Variants in EXT1 observed in about 807,000 individuals in gnomAD.
The protein encoded by EXT1 is exostosin-1.
EXT1 carries 20 observed loss-of-function variants against 82.5 expected under a neutral mutation model. That is an observed-to-expected ratio of 0.24 (90% CI 0.17 to 0.35). The LOEUF (loss-of-function observed/expected upper bound fraction) is 0.35, where lower values mean the gene tolerates loss of function less well. Among genes scored for constraint, EXT1 ranks in the 10% least tolerant of loss-of-function variants. EXT1 has a pLI of 1.00. For missense variants in EXT1, 757 were observed against 936.5 expected (o/e 0.81, Z 2.50); for synonymous variants, 348 against 350.8 (o/e 0.99, Z 0.09).
intron 1 of EXT1, among the ~76,000 whole-genome samples, chr8:117,858,871 AAGAAAG>A (rs1812631858): frequency 3.7e-5 from 3 of 80,308 alleles, no homozygotes; most frequent in Non-Finnish European, 9.5e-5. Flanking sequence ...GAAAGAAAGA[AAGAAAG>A]AAAGAAAGAA....
At position 117,798,410 on chromosome 8, in the gene EXT1, T is replaced by G. The variant is rs1823115435; in HGVS notation, c.*1302A>C. On this transcript the variant is annotated 3_prime_UTR_variant, in exon 11 of 11. Transcript: ENST00000378204. ...CATAACAGAGTTAGGGATATGTTTT[T>G]TTTTTCAGTTTATACTTGGAGTTTA... 6.6e-6 allele frequency: 1 copy of G among 152,164 alleles called. No individual in the cohort carries two copies. Among genetic ancestry groups the G allele is most frequent in the Non-Finnish European group, 1.5e-5 (1 of 68,028 alleles). The allele number at this position is 152,164 out of a possible 1,614,324, so 9.4% of individuals were successfully genotyped here.
chr8:118,062,384 T>C (rs1320538674), intron 1 of EXT1, among the ~76,000 whole-genome samples: 2 of 152,166 alleles, frequency 1.3e-5, no homozygotes, highest in Admixed American at 1.3e-4. Flanking sequence ...CCCAATGCTG[T>C]GCACTTCACG....
chr8:117,944,246 A>G (rs547143469), intron 1 of EXT1, among the ~76,000 whole-genome samples: 1 of 152,284 alleles, frequency 6.6e-6, no homozygotes, highest in East Asian at 1.9e-4. Flanking sequence ...AAAATACAAA[A>G]AAAACTAGCT....
chr8:118,043,602 A>G (rs1427892059), intron 1 of EXT1, among the ~76,000 whole-genome samples: 1 of 152,212 alleles, frequency 6.6e-6, no homozygotes, highest in Non-Finnish European at 1.5e-5. Flanking sequence ...AGAACAAAAG[A>G]TAGTTGATCA....
At chr8:117,962,344 C>G (rs796718735) in intron 1 of EXT1, among the ~76,000 whole-genome samples, 1 of 152,106 alleles carries the variant, frequency 6.6e-6, no homozygotes, top group Non-Finnish European at 1.5e-5. Context: ...GTGCCTCACA[C>G]CTGTAATCCT....
In EXT1 at chr8:117,880,511, T is replaced by C. The variant is rs371076486; in HGVS notation, c.963-43310A>G. Among the ~76,000 whole-genome samples, 9 of 152,234 alleles carry C rather than the reference T, an allele frequency of 5.9e-5. No homozygotes were observed. The East Asian group carries it at 7.7e-4, about 13-fold the overall frequency. On this transcript the variant is annotated intron_variant, in intron 1 of 10. Transcript: ENST00000378204. ...TGTTTTCTTATGAATGTTTAAGATC[T>C]AGAAAAACGTATTCCATAATTAGTA... is the stretch of plus-strand genomic sequence containing the variant.
intron 1 of EXT1, among the ~76,000 whole-genome samples, chr8:117,978,211 C>T (rs922522359): frequency 2.6e-5 from 4 of 152,160 alleles, no homozygotes; most frequent in African/African-American, 9.7e-5. Context: ...TAGTATACAG[C>T]AATAAAGGGT....
chr8:117,991,255 T>C (rs1232192495), intron 1 of EXT1, among the ~76,000 whole-genome samples: 1 of 151,614 alleles, frequency 6.6e-6, no homozygotes, highest in Admixed American at 6.6e-5. Context: ...GGACTACAGG[T>C]GCATGCCACC....
chr8:117,913,760 C>T lies in EXT1; in HGVS notation c.963-76559G>A, dbSNP rs7843728. Among the ~76,000 whole-genome samples, 933 of 152,306 alleles carry T rather than the reference C, an allele frequency of 6.1e-3. 3 individuals are homozygous for T. Among genetic ancestry groups the T allele is most frequent in the African/African-American group, 0.01 (429 of 41,570 alleles). On this transcript the variant is annotated intron_variant, in intron 1 of 10. Coordinates refer to ENST00000378204, the MANE Select transcript of EXT1 (RefSeq NM_000127.3). ...TCTATAATAAGTAATAAGGGTAGAACACATTACAATTCACAAAATAATTCC... is the reference window on the plus strand; with the variant it reads ...TCTATAATAAGTAATAAGGGTAGAATACATTACAATTCACAAAATAATTCC...
chr8:117,996,869 C>T (rs910570554), intron 1 of EXT1, among the ~76,000 whole-genome samples: 15 of 152,184 alleles, frequency 9.9e-5, no homozygotes, highest in Middle Eastern at 3.2e-3. Flanking sequence ...CTGGGCCAAG[C>T]AGCTAACATT....
chr8:118,037,306 C>T (rs939577139), intron 1 of EXT1, among the ~76,000 whole-genome samples: 5 of 151,946 alleles, frequency 3.3e-5, no homozygotes, highest in Admixed American at 2.6e-4. Context: ...CACACAAACA[C>T]ACAGGGTCAC....
intron 1 of EXT1, among the ~76,000 whole-genome samples, chr8:118,031,893 G>A (rs1816326866): frequency 6.6e-6 from 1 of 151,890 alleles, no homozygotes; most frequent in Non-Finnish European, 1.5e-5. Flanking sequence ...GCTTTTAATT[G>A]GCTACGATGA....
At chr8:117,936,906 A>T (rs1285708388) in intron 1 of EXT1, among the ~76,000 whole-genome samples, 1 of 147,710 alleles carries the variant, frequency 6.8e-6, no homozygotes, top group Non-Finnish European at 1.5e-5. Flanking sequence ...ACAAACAAAT[A>T]AATAAATAAA....
At chr8:117,850,158 A>G (rs1812429240) in intron 1 of EXT1, among the ~76,000 whole-genome samples, 4 of 152,222 alleles carry the variant, frequency 2.6e-5, no homozygotes, top group Admixed American at 2.6e-4. Flanking sequence ...TGTCACATGG[A>G]ATTCTTGTTG....
At chr8:117,965,806 T>TTAATCC (rs1270880915) in intron 1 of EXT1, among the ~76,000 whole-genome samples, 1 of 152,192 alleles carries the variant, frequency 6.6e-6, no homozygotes, top group East Asian at 1.9e-4. Flanking sequence ...TAGTTACTTT[T>TTAATCC]TAATCCTAAT....
intron 1 of EXT1, among the ~76,000 whole-genome samples, chr8:117,941,184 G>A (rs1202386920): frequency 1.3e-5 from 2 of 152,214 alleles, no homozygotes; most frequent in Admixed American, 1.3e-4. Flanking sequence ...AAGTGGGGGA[G>A]CAGCAACCAA....
At chr8:118,073,703 A>AGAAGC (rs1299552422) in intron 1 of EXT1, among the ~76,000 whole-genome samples, 2 of 101,028 alleles carry the variant, frequency 2.0e-5, no homozygotes. Flanking sequence ...AGAAGAGAAG[A>AGAAGC]GAAGCCTCTT....
chr8:117,813,078 T>C (rs1758175619), intron 7 of EXT1, 117 bp from the exon 8 acceptor site: 5 of 801,596 alleles, frequency 6.2e-6, no homozygotes, highest in East Asian at 2.7e-5. Context: ...GCTACTATCA[T>C]GTCACCCCTC....
At chr8:117,914,557 C>A (rs1430257684) in intron 1 of EXT1, among the ~76,000 whole-genome samples, 3 of 152,138 alleles carry the variant, frequency 2.0e-5, no homozygotes, top group Non-Finnish European at 2.9e-5. Flanking sequence ...ACTGAATTCT[C>A]TTCCTAGCAA....
Sources: allele counts gnomAD v4.1 joint callset (sites outside exome capture counted in the v4.1 genomes callset), GRCh38; gene constraint gnomAD v4.1.1; transcripts MANE v1.5; gene names NCBI Gene and HGNC (gene_info 2026-07-23, HGNC 2026-07-21).